The following MLLT3 variants were observed in gnomAD, a reference collection of about 807,000 sequenced individuals.
MLLT3 encodes the protein MLLT3 super elongation complex subunit.
Under a neutral mutation model 53.2 loss-of-function variants are expected in MLLT3, and 4 were observed. The ratio of observed to expected loss-of-function variants is 0.08; its 90% CI spans 0.04 to 0.17. The LOEUF (loss-of-function observed/expected upper bound fraction) is 0.17, where lower values mean the gene tolerates loss of function less well. MLLT3 is among the 10% of genes least tolerant of loss of function. MLLT3 has a pLI of 1.00. For synonymous variants in MLLT3, 283 were observed against 230.6 expected, an observed-to-expected ratio of 1.23 and a Z score of -2.06; for missense variants, 569 against 684.0, an observed-to-expected ratio of 0.83 and a Z score of 1.87.
intron 2 of MLLT3, among the ~76,000 whole-genome samples, chr9:20,578,295 G>C (rs925152096): frequency 6.6e-6 from 1 of 152,232 alleles, no homozygotes; most frequent in East Asian, 1.9e-4. Context: ...TTAAAATTTT[G>C]AATCACTCTG....
chr9:20,450,034 T>C (rs1055767914), intron 3 of MLLT3, among the ~76,000 whole-genome samples: 3 of 152,324 alleles, frequency 2.0e-5, no homozygotes, highest in South Asian at 2.1e-4. Context: ...TACGGCAGCA[T>C]CCAATTCATG....
At chr9:20,396,488 T>TG (rs1159995539) in intron 5 of MLLT3, among the ~76,000 whole-genome samples, 1 of 152,100 alleles carries the variant, frequency 6.6e-6, no homozygotes, top group African/African-American at 2.4e-5. Context: ...CTGTCAGACC[T>TG]GGGGCCCTTT....
chr9:20,426,168 T>C (rs773216418), intron 4 of MLLT3, among the ~76,000 whole-genome samples: 10 of 152,128 alleles, frequency 6.6e-5, no homozygotes, highest in Non-Finnish European at 1.5e-4. Context: ...CTACTGACTG[T>C]AAGTTATATT....
intron 2 of MLLT3, among the ~76,000 whole-genome samples, chr9:20,526,574 G>A (rs1291547034): frequency 6.6e-6 from 1 of 152,096 alleles, no homozygotes; most frequent in Non-Finnish European, 1.5e-5. Flanking sequence ...TTCTGTTGTA[G>A]GAACATTCTA....
chr9:20,501,623 C>T (rs1475555472), intron 2 of MLLT3, among the ~76,000 whole-genome samples: 8 of 152,086 alleles, frequency 5.3e-5, no homozygotes, highest in Middle Eastern at 3.4e-3. Context: ...CGGTGGCGGG[C>T]GCCTGCAGTC....
intron 5 of MLLT3, among the ~76,000 whole-genome samples, chr9:20,376,283 A>C (rs1821762800): frequency 6.6e-6 from 1 of 152,130 alleles, no homozygotes; most frequent in Non-Finnish European, 1.5e-5. Flanking sequence ...ACTTGAATGA[A>C]TTTGATGTTA....
At chr9:20,565,438 C>G (rs1458654689) in intron 2 of MLLT3, among the ~76,000 whole-genome samples, 1 of 151,954 alleles carries the variant, frequency 6.6e-6, no homozygotes, top group Non-Finnish European at 1.5e-5. Flanking sequence ...TAGAGTAGCC[C>G]AGTGGACCCA....
chr9:20,500,017 A>G (rs1034891823), intron 2 of MLLT3, among the ~76,000 whole-genome samples: 1 of 152,224 alleles, frequency 6.6e-6, no homozygotes, highest in Non-Finnish European at 1.5e-5. Flanking sequence ...AAATGGAAAA[A>G]TGCTTCTCCA....
At position 20,465,886 on chromosome 9, in the gene MLLT3, G is replaced by A. The variant is rs565286556; in HGVS notation, c.194-9100C>T. Among the ~76,000 whole-genome samples, 782 of 152,108 alleles carry A rather than the reference G, an allele frequency of 5.1e-3. 10 individuals are homozygous for A. Among genetic ancestry groups the A allele is most frequent in the African/African-American group, 0.018 (755 of 41,498 alleles). On this transcript the variant is annotated intron_variant, in intron 2 of 10. Transcript: ENST00000380338. Reference sequence around the variant, plus strand: ...AATATGATGACGACAGTTTATACAGGGTACATATAGGAGTACAGTTTCTGT... The same window carrying A: ...AATATGATGACGACAGTTTATACAGAGTACATATAGGAGTACAGTTTCTGT...
chr9:20,472,101 C>T (rs1202151536), intron 2 of MLLT3, among the ~76,000 whole-genome samples: 1 of 151,948 alleles, frequency 6.6e-6, no homozygotes, highest in African/African-American at 2.4e-5. Flanking sequence ...TTAATTCTAG[C>T]TTCATTTAGA....
At chr9:20,456,383 A>T (rs1823971316) in intron 3 of MLLT3, among the ~76,000 whole-genome samples, 1 of 152,228 alleles carries the variant, frequency 6.6e-6, no homozygotes. Flanking sequence ...ATGAGAAAAG[A>T]AGCATTTTAC....
intron 2 of MLLT3, among the ~76,000 whole-genome samples, chr9:20,535,339 T>C (rs923556679): frequency 2.0e-5 from 3 of 152,132 alleles, no homozygotes; most frequent in Non-Finnish European, 4.4e-5. Context: ...AAAATTGTCT[T>C]CCATGAAACC....
rs900746580 is a variant in MLLT3, at chr9:20,622,179, G to A, written c.12+66C>T. ...GCGGAGCGCTGGCGCTGTCTGGGCT[G>A]CGGCGGCGCAGGGCGAGGAAGGAAA... On this transcript the variant is annotated intron_variant, in intron 1 of 10. Coordinates refer to ENST00000380338, the MANE Select transcript of MLLT3 (RefSeq NM_004529.4). 1.3e-5 allele frequency: 20 copies of A among 1,504,506 alleles called. No homozygotes were observed. In the Admixed American group the frequency reaches 2.6e-4, roughly 19 times the overall value. The allele number at this position is 1,504,506 out of a possible 1,614,324, so 93.2% of individuals were successfully genotyped here. A position where few individuals can be genotyped will look rare whatever the true frequency, so the allele number is the denominator to read the frequency against.
chr9:20,609,465 G>A (rs909419815), intron 2 of MLLT3, among the ~76,000 whole-genome samples: 7 of 151,880 alleles, frequency 4.6e-5, no homozygotes, highest in Non-Finnish European at 1.0e-4. Context: ...TTACTCTATT[G>A]ATAATAAAAA....
intron 4 of MLLT3, among the ~76,000 whole-genome samples, chr9:20,422,805 T>G (rs1563960040): frequency 6.6e-6 from 1 of 152,130 alleles, no homozygotes; most frequent in Non-Finnish European, 1.5e-5. Flanking sequence ...CTAATCACTT[T>G]AGGAAGGTCA....
intron 2 of MLLT3, among the ~76,000 whole-genome samples, chr9:20,588,490 G>A (rs1000831974): frequency 1.1e-4 from 17 of 152,162 alleles, no homozygotes; most frequent in African/African-American, 3.9e-4. Flanking sequence ...AACGTTCTTC[G>A]ATTTGTTTGT....
intron 2 of MLLT3, among the ~76,000 whole-genome samples, chr9:20,538,061 G>GGT (rs1401364793): frequency 6.6e-6 from 1 of 152,022 alleles, no homozygotes; most frequent in Non-Finnish European, 1.5e-5. Context: ...ATACCATCTG[G>GGT]GTGTTAGAAT....
chr9:20,487,876 A>G (rs1165161138), intron 2 of MLLT3, among the ~76,000 whole-genome samples: 4 of 152,138 alleles, frequency 2.6e-5, no homozygotes, highest in Admixed American at 1.3e-4. Context: ...AGAGAGATGA[A>G]TATCAGTAAA....
chr9:20,589,841 G>T (rs895004877), intron 2 of MLLT3, among the ~76,000 whole-genome samples: 1 of 151,768 alleles, frequency 6.6e-6, no homozygotes, highest in African/African-American at 2.4e-5. Flanking sequence ...CTCCCAAGTA[G>T]CTGGGATTAC....
Sources: allele counts gnomAD v4.1 joint callset (sites outside exome capture counted in the v4.1 genomes callset), GRCh38; gene constraint gnomAD v4.1.1; transcripts MANE v1.5; gene names NCBI Gene and HGNC (gene_info 2026-07-23, HGNC 2026-07-21).